Variants in ADGRB3 observed in about 807,000 individuals in gnomAD.
The protein encoded by ADGRB3 is adhesion G protein-coupled receptor B3.
ADGRB3 carries 37 observed loss-of-function variants against 193.4 expected under a neutral mutation model. The ratio of observed to expected loss-of-function variants is 0.19; its 90% CI spans 0.15 to 0.25. The LOEUF (loss-of-function observed/expected upper bound fraction) is 0.25. ADGRB3 is among the 10% of genes least tolerant of loss of function. The pLI is 1.00. For missense variants in ADGRB3, 1,637 were observed against 1,852.9 expected, an observed-to-expected ratio of 0.88 and a Z score of 2.14; for synonymous variants, 690 against 644.2, an observed-to-expected ratio of 1.07 and a Z score of -1.08.
chr6:68,956,548 A>G, intron 7 of ADGRB3, 97 bp from the exon 8 acceptor site: 2 of 1,438,918 alleles, frequency 1.4e-6, no homozygotes, highest in Admixed American at 1.8e-5. Flanking sequence ...GTAGTAGATT[A>G]ACAAAAATGG....
intron 17 of ADGRB3, among the ~76,000 whole-genome samples, chr6:69,115,466 G>A (rs192635909): frequency 1.3e-3 from 198 of 152,254 alleles, no homozygotes; most frequent in African/African-American, 4.7e-3. Flanking sequence ...GGTTAGGGGA[G>A]GGATAGCATT....
At chr6:69,335,290 A>C (rs1768822374) in intron 24 of ADGRB3, among the ~76,000 whole-genome samples, 1 of 152,112 alleles carries the variant, frequency 6.6e-6, no homozygotes, top group South Asian at 2.1e-4. Context: ...ATGAATTTAG[A>C]AATTATCCAT....
At chr6:68,893,095 T>G (rs1052838456) in intron 3 of ADGRB3, among the ~76,000 whole-genome samples, 2 of 152,078 alleles carry the variant, frequency 1.3e-5, no homozygotes, top group Non-Finnish European at 2.9e-5. Flanking sequence ...AGTAACAATA[T>G]GAAATTAACA....
intron 17 of ADGRB3, among the ~76,000 whole-genome samples, chr6:69,136,981 C>T (rs932740827): frequency 3.3e-5 from 5 of 151,430 alleles, no homozygotes; most frequent in South Asian, 2.1e-4. Flanking sequence ...TTTTAAAAAT[C>T]GTATCTTTTT....
intron 10 of ADGRB3, among the ~76,000 whole-genome samples, chr6:68,984,543 T>C (rs552307257): frequency 6.6e-6 from 1 of 152,176 alleles, no homozygotes; most frequent in Non-Finnish European, 1.5e-5. Flanking sequence ...TTTATCCCTT[T>C]CTAAATTTTG....
At chr6:68,849,432 A>G (rs536204059) in intron 3 of ADGRB3, among the ~76,000 whole-genome samples, 1 of 152,128 alleles carries the variant, frequency 6.6e-6, no homozygotes, top group East Asian at 1.9e-4. Context: ...CATGCACATA[A>G]GTGTTAAACA....
intron 11 of ADGRB3, among the ~76,000 whole-genome samples, chr6:69,011,793 C>T (rs1769945317): frequency 6.6e-6 from 1 of 152,066 alleles, no homozygotes; most frequent in South Asian, 2.1e-4. Flanking sequence ...CTTAGTCTCA[C>T]CATAAATGCT....
At chr6:69,303,760 T>A (rs1218984314) in intron 20 of ADGRB3, among the ~76,000 whole-genome samples, 1 of 152,008 alleles carries the variant, frequency 6.6e-6, no homozygotes, top group Non-Finnish European at 1.5e-5. Context: ...AACTGACCTA[T>A]CTCTAAAGAA....
intron 3 of ADGRB3, among the ~76,000 whole-genome samples, chr6:68,832,669 G>C (rs1317439646): frequency 2.0e-5 from 3 of 152,032 alleles, no homozygotes; most frequent in Non-Finnish European, 4.4e-5. Flanking sequence ...TCAATTAAGG[G>C]TTCAAATTCT....
At chr6:68,849,934 A>AT (rs1354484614) in intron 3 of ADGRB3, among the ~76,000 whole-genome samples, 1 of 150,514 alleles carries the variant, frequency 6.6e-6, no homozygotes, top group Non-Finnish European at 1.5e-5. Flanking sequence ...CAATAGAATG[A>AT]TTTTTTAAAT....
At chr6:69,125,448 G>A (rs924298317) in intron 17 of ADGRB3, among the ~76,000 whole-genome samples, 4 of 152,086 alleles carry the variant, frequency 2.6e-5, no homozygotes, top group Non-Finnish European at 5.9e-5. Flanking sequence ...AAGACCTCAC[G>A]ATTGTGATTA....
chr6:68,876,916 T>A (rs1765610026), intron 3 of ADGRB3, among the ~76,000 whole-genome samples: 1 of 152,138 alleles, frequency 6.6e-6, no homozygotes, highest in African/African-American at 2.4e-5. Context: ...AAATATTTTG[T>A]ACACACCCAT....
At chr6:69,252,224 TG>T (rs1377986808) in intron 20 of ADGRB3, among the ~76,000 whole-genome samples, 3 of 152,188 alleles carry the variant, frequency 2.0e-5, no homozygotes, top group African/African-American at 7.2e-5. Context: ...TATTGTTGTA[TG>T]TATTAGTGAT....
At chr6:69,194,228 T>C (rs1000865067) in intron 17 of ADGRB3, among the ~76,000 whole-genome samples, 3 of 152,116 alleles carry the variant, frequency 2.0e-5, no homozygotes, top group African/African-American at 7.2e-5. Context: ...AGCACTACAA[T>C]ATAGCATCTC....
chr6:69,179,784 T>A (rs1204351759), intron 17 of ADGRB3, among the ~76,000 whole-genome samples: 1 of 152,222 alleles, frequency 6.6e-6, no homozygotes, highest in East Asian at 1.9e-4. Context: ...AGGTTTTATA[T>A]TGGACTGTGC....
chr6:68,896,570 A>C (rs1228084431), intron 3 of ADGRB3, among the ~76,000 whole-genome samples: 1 of 152,134 alleles, frequency 6.6e-6, no homozygotes, highest in Non-Finnish European at 1.5e-5. Context: ...CTGTTACATT[A>C]AGCATAATTG....
At chr6:68,718,620 T>G (rs147189583) in intron 3 of ADGRB3, among the ~76,000 whole-genome samples, 1 of 151,904 alleles carries the variant, frequency 6.6e-6, no homozygotes, top group Non-Finnish European at 1.5e-5. Flanking sequence ...AGACCCATTT[T>G]ATGTCTCATC....
At chr6:68,808,089 A>G (rs191093041) in intron 3 of ADGRB3, among the ~76,000 whole-genome samples, 1 of 152,094 alleles carries the variant, frequency 6.6e-6, no homozygotes, top group Non-Finnish European at 1.5e-5. Context: ...ATTTCCTCTT[A>G]CTCCTGAAAA....
intron 8 of ADGRB3, among the ~76,000 whole-genome samples, chr6:68,972,237 T>C (rs2150264174): frequency 6.6e-6 from 1 of 152,332 alleles, no homozygotes; most frequent in East Asian, 1.9e-4. Context: ...TATTTTATTA[T>C]TTTATATTTT....
Sources: allele counts gnomAD v4.1 joint callset (sites outside exome capture counted in the v4.1 genomes callset), GRCh38; gene constraint gnomAD v4.1.1; transcripts MANE v1.5; gene names NCBI Gene and HGNC (gene_info 2026-07-23, HGNC 2026-07-21).